The following MEGF6 variants were observed in gnomAD, a reference collection of about 807,000 sequenced individuals.
The protein encoded by MEGF6 is multiple EGF like domains 6.
Under a neutral mutation model 207.1 loss-of-function variants are expected in MEGF6, and 184 were observed. The ratio of observed to expected loss-of-function variants is 0.89; its 90% CI spans 0.79 to 1.00. MEGF6 has a LOEUF of 1.00. Ranked by LOEUF, MEGF6 falls within the 50% of genes least tolerant of loss-of-function variation. MEGF6 has a pLI of 0.00. For missense variants in MEGF6, 2,282 were observed against 2,202.9 expected, an observed-to-expected ratio of 1.04 and a Z score of -0.72; for synonymous variants, 1,038 against 910.0, an observed-to-expected ratio of 1.14 and a Z score of -2.53.
intron 4 of MEGF6, among the ~76,000 whole-genome samples, chr1:3,568,774 T>C (rs540747174): frequency 2.6e-5 from 4 of 152,268 alleles, no homozygotes; most frequent in Admixed American, 2.6e-4. Flanking sequence ...CTGTGTCCTC[T>C]GCACCTTACA....
chr1:3,523,695 G>A (rs193027229), intron 5 of MEGF6, among the ~76,000 whole-genome samples: 3 of 152,264 alleles, frequency 2.0e-5, no homozygotes, highest in East Asian at 1.9e-4. Context: ...CCCCCACCAC[G>A]TAGCACGTGA....
Position 3,499,196 on chromosome 1 carries a change from G to A in MEGF6, c.3036C>T (p.Asp1012=), listed in dbSNP as rs578255093. The change falls in exon 24 of 37, where the codon GAC becomes GAT. Residue 1012 remains aspartate, a synonymous_variant. Transcript: ENST00000356575. ...ACACFNGASC[D]PVHGQCHCAP... ...CACAGTGGCACTGCCCGTGGACAGG[G>A]TCACAGGAGGCCCCGTTAAAGCAGG... 6.2e-7 allele frequency: 1 copy of A among 1,604,240 alleles called. No homozygotes were observed. Among genetic ancestry groups the A allele is most frequent in the African/African-American group, 1.3e-5 (1 of 74,958 alleles).
chr1:3,503,596 G>A (rs1640989270), intron 17 of MEGF6, among the ~76,000 whole-genome samples: 1 of 152,140 alleles, frequency 6.6e-6, no homozygotes, highest in Non-Finnish European at 1.5e-5. Flanking sequence ...AGCAGGGACT[G>A]GAAGGAGGGT....
intron 4 of MEGF6, among the ~76,000 whole-genome samples, chr1:3,526,381 C>T (rs1641963464): frequency 6.6e-6 from 1 of 150,978 alleles, no homozygotes; most frequent in Non-Finnish European, 1.5e-5. Flanking sequence ...GCCTGCTACT[C>T]AGGCCAGGTG....
chr1:3,519,881 G>A (rs767511466), intron 5 of MEGF6, among the ~76,000 whole-genome samples: 74 of 152,346 alleles, frequency 4.9e-4, no homozygotes, highest in Non-Finnish European at 5.7e-4. Flanking sequence ...AGGGCACACA[G>A]CACACCCATG....
At chr1:3,612,764 A>G (rs539159632), upstream of MEGF6, among the ~76,000 whole-genome samples, 117 of 152,110 alleles carry the variant, frequency 7.7e-4, 1 homozygote, top group South Asian at 0.01. Flanking sequence ...TTGGGAAGGG[A>G]GCACCCCCTG....
At chr1:3,562,125 G>A (rs1643220163) in intron 4 of MEGF6, among the ~76,000 whole-genome samples, 1 of 152,164 alleles carries the variant, frequency 6.6e-6, no homozygotes, top group African/African-American at 2.4e-5. Context: ...TCTCCTCTGT[G>A]TGTCTCTCAG....
In MEGF6 at chr1:3,489,625, A is replaced by G. The variant is rs1640271229; in HGVS notation, c.*903T>C. Among the ~76,000 whole-genome samples, 1 of 152,132 alleles carries G rather than the reference A, an allele frequency of 6.6e-6. No homozygotes were observed. The highest frequency in any genetic ancestry group is 1.5e-5 in the Non-Finnish European group (1 of 67,996). On this transcript the variant is annotated 3_prime_UTR_variant, in exon 37 of 37. Transcript: ENST00000356575. Reference sequence around the variant, plus strand: ...GGTAGGGGTGGGTGGGGTGAGCCCAAGGGAGTTCGGCCTCAGTCCAGGTTG... The same window carrying G: ...GGTAGGGGTGGGTGGGGTGAGCCCAGGGGAGTTCGGCCTCAGTCCAGGTTG...
At chr1:3,606,194 T>C (rs188311560) in intron 1 of MEGF6, among the ~76,000 whole-genome samples, 1 of 152,156 alleles carries the variant, frequency 6.6e-6, no homozygotes, top group Admixed American at 6.5e-5. Flanking sequence ...GTTCTCAAAG[T>C]GGGGTCCCCC....
At position 3,560,804 on chromosome 1, in the gene MEGF6, G is replaced by A. The variant is rs767018322; in HGVS notation, c.481+19021C>T. On this transcript the variant is annotated intron_variant, in intron 4 of 36. Coordinates refer to ENST00000356575, the MANE Select transcript of MEGF6 (RefSeq NM_001409.4). This position sits in a 1 kb window ranked among gnomAD's most constrained non-coding sequence, Gnocchi z 4.0. ...CCGGCAGTCCCCTCTGGCAGCCACC[G>A]GAGCAGCCAGGAACAGCCTCAGGCG... 13 of 467,706 alleles carry A rather than the reference G, an allele frequency of 2.8e-5. No homozygotes were observed. Among genetic ancestry groups the A allele is most frequent in the African/African-American group, 1.0e-4 (5 of 49,826 alleles). The allele number at this position is 467,706 out of a possible 1,614,324, so 29.0% of individuals were successfully genotyped here. A position where few individuals can be genotyped will look rare whatever the true frequency, so the allele number is the denominator to read the frequency against.
chr1:3,611,203 C>A lies in MEGF6; in HGVS notation c.66G>T (p.Leu22=). The change falls in exon 1 of 37, where the codon CTG becomes CTT. Residue 22 remains leucine (L), a synonymous_variant. Transcript: ENST00000356575. Reference sequence around the variant, plus strand: ...TGGCGCCCACGGGCACGGCGGGGAGCAGCAGCAGCACCAACGCCAGGACCA... The same window carrying A: ...TGGCGCCCACGGGCACGGCGGGGAGAAGCAGCAGCACCAACGCCAGGACCA... ...RAVVLALVLL[L]LPAVPVGASV... is the part of the protein sequence containing the mutation. 1 of 1,553,840 alleles carries A rather than the reference C, an allele frequency of 6.4e-7. No individual in the cohort carries two copies. The highest frequency in any genetic ancestry group is 8.6e-7 in the Non-Finnish European group (1 of 1,160,336).
rs1367210134 is a variant in MEGF6, at chr1:3,514,687, C to T, written c.731-15G>A. On this transcript the variant is annotated splice_polypyrimidine_tract_variant and intron_variant, in intron 6 of 36. Transcript: ENST00000356575. ...CGGGCTTCTACCTGCAGCCACGGGCCCGAGGAGGGGGTTGGGGAGAGGGGA... is the reference window on the plus strand; with the variant it reads ...CGGGCTTCTACCTGCAGCCACGGGCTCGAGGAGGGGGTTGGGGAGAGGGGA... 6 of 1,563,004 alleles carry T rather than the reference C, an allele frequency of 3.8e-6. No homozygotes were observed. Among genetic ancestry groups the T allele is most frequent in the African/African-American group, 1.3e-5 (1 of 74,272 alleles).
intron 4 of MEGF6, among the ~76,000 whole-genome samples, chr1:3,557,454 G>C (rs1643068719): frequency 6.6e-6 from 1 of 152,204 alleles, no homozygotes; most frequent in South Asian, 2.1e-4. Flanking sequence ...GAGGGGTCTT[G>C]AGGAGGAGCC....
intron 5 of MEGF6, among the ~76,000 whole-genome samples, chr1:3,520,200 G>A (rs561421840): frequency 2.0e-5 from 3 of 152,246 alleles, no homozygotes; most frequent in Non-Finnish European, 2.9e-5. Context: ...CAAGGCACAT[G>A]AGGGAACAGC....
At chr1:3,555,298 C>G (rs752849463) in intron 4 of MEGF6, among the ~76,000 whole-genome samples, 1 of 152,134 alleles carries the variant, frequency 6.6e-6, no homozygotes, top group Non-Finnish European at 1.5e-5. Context: ...CCTCCACCCA[C>G]GCTCAGCTGG....
chr1:3,498,410 G>T lies in MEGF6; in HGVS notation c.3313C>A (p.Leu1105Ile). The change falls in exon 26 of 37, where the codon CTC becomes ATC. Residue 1105 changes from leucine (L) to isoleucine (I), a missense_variant. Leu to Ile is a conservative substitution (Grantham distance 5, BLOSUM62 2). Transcript: ENST00000356575. ...GLCDPHTGRC[L>I]CPAGWTGDKC... is the part of the protein sequence containing the mutation. ...TCCCCAGTCCAGCCGGCTGGGCAGA[G>T]GCAGCGGCCCGTGTGCGGGTCACAC... 1 of 1,596,252 alleles carries T rather than the reference G, an allele frequency of 6.3e-7. No individual in the cohort carries two copies.
At chr1:3,579,970 G>A in intron 3 of MEGF6, 41 bp from the exon 4 acceptor site, 2 of 1,399,978 alleles carry the variant, frequency 1.4e-6, no homozygotes, top group Non-Finnish European at 9.5e-7. Context: ...GGGCAAGGAG[G>A]GGTGAGGCAG....
At chr1:3,600,821 C>T (rs1326936257) in intron 2 of MEGF6, among the ~76,000 whole-genome samples, 18 of 152,188 alleles carry the variant, frequency 1.2e-4, no homozygotes, top group Admixed American at 7.9e-4. Flanking sequence ...CCCATCCCCC[C>T]GGCACCAGGG....
chr1:3,585,547 T>A (rs1643881342), intron 3 of MEGF6, among the ~76,000 whole-genome samples: 1 of 135,798 alleles, frequency 7.4e-6, no homozygotes, highest in South Asian at 2.7e-4. Context: ...GTGACACATG[T>A]CCTGTGTGTG....
Sources: gnomAD v4.1 joint callset for allele counts (sites outside exome capture counted in the v4.1 genomes callset) on GRCh38, gnomAD v4.1.1 for gene constraint, Gnocchi (gnomAD v3.1) non-coding constraint, MANE v1.5 for transcripts, NCBI Gene and HGNC (gene_info 2026-07-23, HGNC 2026-07-21) for gene names.